GCLC: variants seen among roughly 807,000 people sequenced by gnomAD.
The protein encoded by GCLC is glutamate--cysteine ligase catalytic subunit.
A neutral mutation model predicts 81.5 loss-of-function variants in GCLC; 30 were observed. The ratio of observed to expected loss-of-function variants is 0.37; its 90% CI spans 0.28 to 0.50. GCLC has a LOEUF of 0.50. Among genes scored for constraint, GCLC ranks in the 20% least tolerant of loss-of-function variants. The pLI is 0.96. For synonymous variants in GCLC, 262 were observed against 273.3 expected (o/e 0.96, Z 0.41); for missense variants, 556 against 777.4 (o/e 0.72, Z 3.39).
At chr6:53,538,601 T>C (rs764249889) in intron 1 of GCLC, among the ~76,000 whole-genome samples, 4 of 152,168 alleles carry the variant, frequency 2.6e-5, no homozygotes, top group Non-Finnish European at 5.9e-5. Flanking sequence ...AGCTATGCAT[T>C]TTCTAAATAG....
chr6:53,499,818 G>C (rs17885639), intron 15 of GCLC, among the ~76,000 whole-genome samples: 3,737 of 152,240 alleles, frequency 0.025, 159 homozygotes, highest in African/African-American at 0.085. Flanking sequence ...TAAGATGCCA[G>C]TGATTTTCAG....
intron 2 of GCLC, 35 bp from the exon 3 acceptor site, chr6:53,520,995 C>A (rs759941532): frequency 6.5e-7 from 1 of 1,537,806 alleles, no homozygotes. Context: ...CCATCTTATT[C>A]TTTTGCTATA....
chr6:53,543,661 CAGAA>C (rs1763397051), intron 1 of GCLC, among the ~76,000 whole-genome samples: 1 of 152,158 alleles, frequency 6.6e-6, no homozygotes, highest in African/African-American at 2.4e-5. Context: ...TTTTCAAAAA[CAGAA>C]AGGGAAGGCA....
intron 6 of GCLC, among the ~76,000 whole-genome samples, chr6:53,511,208 G>C (rs1410373592): frequency 2.0e-5 from 3 of 146,370 alleles, no homozygotes; most frequent in African/African-American, 4.9e-5. Context: ...AAGTGGGGGG[G>C]GGGTGCTAAA....
intron 1 of GCLC, among the ~76,000 whole-genome samples, chr6:53,529,664 C>A (rs748145440): frequency 6.6e-6 from 1 of 152,244 alleles, no homozygotes; most frequent in Non-Finnish European, 1.5e-5. Flanking sequence ...GTTCTAAAGA[C>A]AAATGAATTC....
At chr6:53,536,076 G>A (rs1763252027) in intron 1 of GCLC, among the ~76,000 whole-genome samples, 1 of 152,164 alleles carries the variant, frequency 6.6e-6, no homozygotes, top group Non-Finnish European at 1.5e-5. Flanking sequence ...GTATAACCAT[G>A]GAATGAAATA....
At chr6:53,512,986 CTCT>C (rs1764784595) in intron 6 of GCLC, 1 of 152,148 alleles carries the variant, frequency 6.6e-6, no homozygotes, top group African/African-American at 2.4e-5. Flanking sequence ...GTCGAAAGAT[CTCT>C]TTTTTCGTGA....
chr6:53,531,726 G>C (rs1388416218), intron 1 of GCLC, among the ~76,000 whole-genome samples: 1 of 152,154 alleles, frequency 6.6e-6, no homozygotes, highest in East Asian at 1.9e-4. Context: ...AGAGACCTTT[G>C]CTGAACCCCC....
rs189849386 is a variant in GCLC at position 53,522,169 on chromosome 6, T to C, written c.263+246A>G. On this transcript the variant is annotated intron_variant, in intron 2 of 15. Coordinates refer to ENST00000650454, the MANE Select transcript of GCLC (RefSeq NM_001498.4). Reference sequence around the variant, plus strand: ...ATTAATGTATTTAATTCCAACACCTTAGGTAGGTATTGCTATGATCTTTAC... The same window carrying C: ...ATTAATGTATTTAATTCCAACACCTCAGGTAGGTATTGCTATGATCTTTAC... 3.6e-4 allele frequency among the ~76,000 whole-genome samples: 55 copies of C among 152,314 alleles called. No homozygotes were observed. In the East Asian group the frequency reaches 9.8e-3, roughly 27 times the overall value.
At chr6:53,510,015 G>GA (rs1182249165) in intron 6 of GCLC, 6 of 152,618 alleles carry the variant, frequency 3.9e-5, no homozygotes, top group Admixed American at 3.3e-4. Flanking sequence ...GGAAAGACTA[G>GA]AAAGACAGGG....
intron 4 of GCLC, among the ~76,000 whole-genome samples, chr6:53,515,156 C>A (rs1764842612): frequency 6.6e-6 from 1 of 152,138 alleles, no homozygotes; most frequent in Non-Finnish European, 1.5e-5. Flanking sequence ...TTGGGTTAAA[C>A]AAAATATAAA....
chr6:53,536,630 C>G (rs1206487298), intron 1 of GCLC, among the ~76,000 whole-genome samples: 1 of 152,162 alleles, frequency 6.6e-6, no homozygotes, highest in Non-Finnish European at 1.5e-5. Context: ...GATGCCTTGA[C>G]AGTATGTAAA....
Position 53,528,300 on chromosome 6 carries a change from C to G in GCLC, c.151-5773G>C, listed in dbSNP as rs1763117220. Among the ~76,000 whole-genome samples the G allele has an allele frequency of 5.3e-5, 8 of 152,260 alleles. No homozygotes were observed. In the South Asian group the frequency reaches 1.7e-3, roughly 32 times the overall value. ...AGATGGACTCCCATGTTAGATATGTCTAATGATGACATCACAAATAGGAAA... is the reference window on the plus strand; with the variant it reads ...AGATGGACTCCCATGTTAGATATGTGTAATGATGACATCACAAATAGGAAA... On this transcript the variant is annotated intron_variant, in intron 1 of 15. Coordinates refer to ENST00000650454, the MANE Select transcript of GCLC (RefSeq NM_001498.4).
intron 1 of GCLC, among the ~76,000 whole-genome samples, chr6:53,543,580 C>A (rs1418184969): frequency 6.6e-6 from 1 of 152,136 alleles, no homozygotes; most frequent in Non-Finnish European, 1.5e-5. Context: ...CCATCTAAGG[C>A]AAAAGCTAAA....
Position 53,516,094 on chromosome 6 carries a change from C to A in GCLC, c.560+15G>T, listed in dbSNP as rs1325667753. On this transcript the variant is annotated intron_variant, in intron 4 of 15. Coordinates refer to ENST00000650454, the MANE Select transcript of GCLC (RefSeq NM_001498.4). ...AGTGAAGGGCATCTGCATTTCAACA[C>A]AAAGCCATACTCACCTGAAGCGAGG... The A allele has an allele frequency of 1.4e-6, 2 of 1,455,998 alleles. No individual in the cohort carries two copies. The highest frequency in any genetic ancestry group is 2.8e-5 in the African/African-American group (2 of 71,726). The allele number at this position is 1,455,998 out of a possible 1,614,324, so 90.2% of individuals were successfully genotyped here. A position where few individuals can be genotyped will look rare whatever the true frequency, so the allele number is the denominator to read the frequency against.
In GCLC at chr6:53,497,558, A is replaced by G. The variant is rs1230486258; in HGVS notation, c.*1198T>C. On this transcript the variant is annotated 3_prime_UTR_variant, in exon 16 of 16. Transcript: ENST00000650454. Reference sequence around the variant, plus strand: ...AGCTTTATTGCAATCTCTTCAAGTTAGCATATTACAGTTTAAATATTTATG... The same window carrying G: ...AGCTTTATTGCAATCTCTTCAAGTTGGCATATTACAGTTTAAATATTTATG... 2 of 152,646 alleles carry G rather than the reference A, an allele frequency of 1.3e-5. No homozygotes were observed. Among genetic ancestry groups the G allele is most frequent in the South Asian group, 2.1e-4 (1 of 4,832 alleles). 9.5% of individuals were successfully genotyped at this position (152,646 alleles called of 1,614,324 possible). A position where few individuals can be genotyped will look rare whatever the true frequency, so the allele number is the denominator to read the frequency against.
At chr6:53,527,036 G>A (rs1763095513) in intron 1 of GCLC, among the ~76,000 whole-genome samples, 1 of 152,114 alleles carries the variant, frequency 6.6e-6, no homozygotes, top group African/African-American at 2.4e-5. Flanking sequence ...TCATATGCTT[G>A]ACCTCTGAAG....
At chr6:53,541,431 C>T (rs1023328506) in intron 1 of GCLC, among the ~76,000 whole-genome samples, 3 of 152,130 alleles carry the variant, frequency 2.0e-5, no homozygotes, top group Admixed American at 6.5e-5. Flanking sequence ...GGGCAACTGT[C>T]AACACTTCAG....
At position 53,544,503 on chromosome 6, in the gene GCLC, C is replaced by T; in HGVS notation, c.143G>A (p.Gly48Asp). ...KDRHKDVLKW[G>D]DEVEYMLVSF... ...GGGACCGCGGGCGCTCACCTCATCG[C>T]CCCACTTGAGAACGTCCTTGTGCCG... The change falls in exon 1 of 16, where the codon GGC (glycine) becomes GAC (aspartate). Residue 48 changes from glycine to aspartate, a missense_variant. Gly to Asp is a moderately conservative substitution (Grantham distance 94). Around this residue, in one of 3 missense-constraint regions of GCLC, gnomAD observed 234 missense variants for 303.8 expected, o/e 0.77. Coordinates refer to ENST00000650454, the MANE Select transcript of GCLC (RefSeq NM_001498.4). 6.2e-7 allele frequency: 1 copy of T among 1,607,966 alleles called. No homozygotes were observed.
Sources: gnomAD v4.1 joint callset for allele counts (sites outside exome capture counted in the v4.1 genomes callset) on GRCh38, gnomAD v4.1.1 for gene constraint, gnomAD v4.1.1 regional missense constraint, MANE v1.5 for transcripts, NCBI Gene and HGNC (gene_info 2026-07-23, HGNC 2026-07-21) for gene names.